ZNF485: variants seen among roughly 807,000 people sequenced by gnomAD.
ZNF485 encodes zinc finger protein 485.
Under a neutral mutation model 10.8 loss-of-function variants are expected in ZNF485, and 9 were observed. The ratio of observed to expected loss-of-function variants is 0.83; its 90% CI spans 0.50 to 1.45. The LOEUF (loss-of-function observed/expected upper bound fraction) is 1.45, where lower values mean the gene tolerates loss of function less well. ZNF485 is among the 40% of genes most tolerant of loss of function. The pLI, the probability that ZNF485 is intolerant of heterozygous loss-of-function variation, is 0.00. For missense variants in ZNF485, 487 were observed against 528.0 expected (o/e 0.92, Z 0.76); for synonymous variants, 187 against 181.0 (o/e 1.03, Z -0.27).
chr10:43,616,170 C>T (rs1838851789), intron 4 of ZNF485, 121 bp from the exon 5 acceptor site: 3 of 731,012 alleles, frequency 4.1e-6, no homozygotes. Flanking sequence ...AAGTGGGACA[C>T]ATTAATAATT....
Position 43,616,517 on chromosome 10 carries a change from T to G in ZNF485, c.474T>G (p.His158Gln), listed in dbSNP as rs768569359. Residue 158 changes from histidine to glutamine, a missense_variant, in exon 5 of 5, where the codon CAT becomes CAG. Physicochemically the swap from His to Gln is conservative, Grantham distance 24. Coordinates refer to ENST00000361807, the MANE Select transcript of ZNF485 (RefSeq NM_145312.4). ...HQRNHTSEKP[H>Q]KCKECGIAFM... ...GAAATCACACCAGTGAGAAACCACA[T>G]AAATGTAAAGAATGTGGGATCGCCT... The G allele has an allele frequency of 6.2e-7, 1 of 1,614,096 alleles. No homozygotes were observed. The highest frequency in any genetic ancestry group is 2.2e-5 in the East Asian group (1 of 44,882).
intron 4 of ZNF485, among the ~76,000 whole-genome samples, chr10:43,609,756 C>T (rs1490274206): frequency 6.6e-6 from 1 of 152,140 alleles, no homozygotes; most frequent in Non-Finnish European, 1.5e-5. Context: ...TCACTGCAAC[C>T]TCAAAGTCTG....
chr10:43,607,386 C>T, intron 2 of ZNF485: 4 of 468,586 alleles, frequency 8.5e-6, no homozygotes, highest in Non-Finnish European at 1.5e-5. Flanking sequence ...CTCTCTTGAC[C>T]TTTAGTGTGT....
At chr10:43,610,772 T>C (rs1029234763) in intron 4 of ZNF485, among the ~76,000 whole-genome samples, 4 of 152,220 alleles carry the variant, frequency 2.6e-5, no homozygotes, top group African/African-American at 7.2e-5. Context: ...TTGTTAGACA[T>C]GCTTATGGTA....
In ZNF485 at chr10:43,617,042, A is replaced by G; in HGVS notation, c.999A>G (p.Lys333=). ...EKPYHCSKCG[K]SFRYSSSFAG... Reference sequence around the variant, plus strand: ...CCTATCACTGCAGTAAATGTGGAAAATCTTTCAGGTATAGCTCATCCTTTG... The same window carrying G: ...CCTATCACTGCAGTAAATGTGGAAAGTCTTTCAGGTATAGCTCATCCTTTG... The change falls in exon 5 of 5, where the codon AAA becomes AAG. Residue 333 remains lysine (K), a synonymous_variant. Transcript: ENST00000361807. The G allele has an allele frequency of 6.2e-7, 1 of 1,614,234 alleles. No homozygotes were observed. The highest frequency in any genetic ancestry group is 8.5e-7 in the Non-Finnish European group (1 of 1,180,048).
intron 4 of ZNF485, among the ~76,000 whole-genome samples, chr10:43,613,470 G>A (rs1242088208): frequency 6.6e-6 from 1 of 152,160 alleles, no homozygotes; most frequent in Non-Finnish European, 1.5e-5. Flanking sequence ...GTACAGTTGC[G>A]GGGCCCCCTG....
chr10:43,607,214 C>A, intron 2 of ZNF485, 140 bp downstream of exon 2: 2 of 931,344 alleles, frequency 2.1e-6, no homozygotes, highest in South Asian at 1.5e-5. Flanking sequence ...CGATTTCCGT[C>A]CTGTCTACCC....
chr10:43,607,569 C>T (rs551193138), intron 2 of ZNF485, among the ~76,000 whole-genome samples: 18 of 152,246 alleles, frequency 1.2e-4, no homozygotes, highest in Admixed American at 1.0e-3. Flanking sequence ...TCTAGAATCC[C>T]AGACTGGAGT....
At chr10:43,609,378 A>G (rs567815309) in intron 4 of ZNF485, 28 bp downstream of exon 4, 19 of 1,585,278 alleles carry the variant, frequency 1.2e-5, no homozygotes, top group Non-Finnish European at 1.6e-5. Flanking sequence ...ATCCCAGCAG[A>G]AGCTGAGCAC....
At chr10:43,611,603 A>G (rs1355572179) in intron 4 of ZNF485, among the ~76,000 whole-genome samples, 1 of 152,228 alleles carries the variant, frequency 6.6e-6, no homozygotes, top group Non-Finnish European at 1.5e-5. Flanking sequence ...TCATAAAGAT[A>G]ATACATGTTT....
At chr10:43,612,742 C>G (rs185888067) in intron 4 of ZNF485, among the ~76,000 whole-genome samples, 1 of 152,020 alleles carries the variant, frequency 6.6e-6, no homozygotes, top group African/African-American at 2.4e-5. Context: ...CCTATATTTT[C>G]CTATTTCCCC....
At chr10:43,615,206 A>T (rs1432255242) in intron 4 of ZNF485, among the ~76,000 whole-genome samples, 1 of 152,212 alleles carries the variant, frequency 6.6e-6, no homozygotes, top group Non-Finnish European at 1.5e-5. Flanking sequence ...GTATAGATAG[A>T]TACAACTTAT....
At chr10:43,609,125 T>C (rs1241859091) in intron 3 of ZNF485, 130 bp from the exon 4 acceptor site, 1 of 729,878 alleles carries the variant, frequency 1.4e-6, no homozygotes, top group Admixed American at 2.5e-5. Context: ...CTCTGACCTG[T>C]CCATGCTCAT....
chr10:43,617,152 C>G lies in ZNF485; in HGVS notation c.1109C>G (p.Thr370Ser). ...GKAFTKSSTL[T>S]GHQRIHTGEK... ...GCCTTTACAAAGAGCTCAACCCTTA[C>G]TGGACATCAGAGAATTCATACTGGA... The change falls in exon 5 of 5, where the codon ACT becomes AGT. Residue 370 changes from threonine (T) to serine (S), a missense_variant. By Grantham distance (58) the Thr-to-Ser change is moderately conservative. Coordinates refer to ENST00000361807, the MANE Select transcript of ZNF485 (RefSeq NM_145312.4). The G allele has an allele frequency of 6.2e-7, 1 of 1,614,054 alleles. No individual in the cohort carries two copies. The highest frequency in any genetic ancestry group is 8.5e-7 in the Non-Finnish European group (1 of 1,179,998).
chr10:43,616,542 T>G lies in ZNF485; in HGVS notation c.499T>G (p.Phe167Val). The change falls in exon 5 of 5, where the codon TTT becomes GTT. Residue 167 changes from phenylalanine to valine, a missense_variant. Phe to Val is a conservative substitution (Grantham distance 50, BLOSUM62 -1). Transcript: ENST00000361807. ...PHKCKECGIA[F>V]MNSSSLLNHH... The stretch of plus-strand genomic sequence containing the variant: ...TAAATGTAAAGAATGTGGGATCGCC[T>G]TTATGAACAGTTCATCCCTTTTAAA... The G allele has an allele frequency of 6.2e-7, 1 of 1,614,218 alleles. No individual in the cohort carries two copies. Among genetic ancestry groups the G allele is most frequent in the Non-Finnish European group, 8.5e-7 (1 of 1,180,034 alleles).
chr10:43,607,550 C>T (rs952773195), intron 2 of ZNF485: 3 of 160,466 alleles, frequency 1.9e-5, no homozygotes, highest in East Asian at 3.6e-4. Context: ...AAGTTGGAAA[C>T]ATTCATGGTC....
At position 43,608,651 on chromosome 10, in the gene ZNF485, C is replaced by T. The variant is rs752654431; in HGVS notation, c.62C>T (p.Thr21Ile). 6.2e-7 allele frequency: 1 copy of T among 1,614,014 alleles called. No individual in the cohort carries two copies. The highest frequency in any genetic ancestry group is 8.5e-7 in the Non-Finnish European group (1 of 1,179,974). ...TTTGGGGATGTGGCTGTGGCCTTTA[C>T]CCGGATTGAGTGGAGACACCTGGAT... Reference protein sequence around the residue: ...LTFGDVAVAFTRIEWRHLDAA... With the variant: ...LTFGDVAVAFIRIEWRHLDAA... The change falls in exon 3 of 5, where the codon ACC (threonine) becomes ATC (isoleucine). Residue 21 changes from threonine (T) to isoleucine (I), a missense_variant. Transcript: ENST00000361807.
chr10:43,611,508 A>T (rs1003454626), intron 4 of ZNF485, among the ~76,000 whole-genome samples: 2 of 152,212 alleles, frequency 1.3e-5, no homozygotes, highest in African/African-American at 4.8e-5. Flanking sequence ...CTTGTGTACA[A>T]GTAAATCTAT....
At chr10:43,614,209 G>A (rs1294879097) in intron 4 of ZNF485, among the ~76,000 whole-genome samples, 3 of 146,590 alleles carry the variant, frequency 2.0e-5, no homozygotes, top group Admixed American at 6.8e-5. Flanking sequence ...GTGAGACTCC[G>A]TATCAAAAAA....
Sources: gnomAD v4.1 joint callset for allele counts (sites outside exome capture counted in the v4.1 genomes callset) on GRCh38, gnomAD v4.1.1 for gene constraint, MANE v1.5 for transcripts, NCBI Gene and HGNC (gene_info 2026-07-23, HGNC 2026-07-21) for gene names.